KIAA1328: variants seen among roughly 807,000 people sequenced by gnomAD.
KIAA1328 encodes the protein KIAA1328.
Under a neutral mutation model 68.1 loss-of-function variants are expected in KIAA1328, and 52 were observed. The observed-to-expected ratio is 0.76, with a 90% CI of 0.61 to 0.96. The LOEUF (loss-of-function observed/expected upper bound fraction) is 0.96. Among genes scored for constraint, KIAA1328 ranks in the 40% least tolerant of loss-of-function variants. The pLI, the probability that KIAA1328 is intolerant of heterozygous loss-of-function variation, is 0.00. For synonymous variants in KIAA1328, 232 were observed against 239.4 expected, an observed-to-expected ratio of 0.97 and a Z score of 0.28; for missense variants, 641 against 677.6, an observed-to-expected ratio of 0.95 and a Z score of 0.60.
chr18:37,170,328 A>G (rs2059476098), intron 8 of KIAA1328, among the ~76,000 whole-genome samples: 1 of 152,196 alleles, frequency 6.6e-6, no homozygotes, highest in Non-Finnish European at 1.5e-5. Context: ...GCTGGGTGAT[A>G]TTGGACATGC....
At chr18:37,210,763 A>G (rs2060301476) in intron 9 of KIAA1328, among the ~76,000 whole-genome samples, 1 of 152,090 alleles carries the variant, frequency 6.6e-6, no homozygotes, top group African/African-American at 2.4e-5. Context: ...ATTTTTCTTT[A>G]TTGCATATAT....
At chr18:37,125,356 A>G (rs1248885788) in intron 7 of KIAA1328, among the ~76,000 whole-genome samples, 1 of 152,126 alleles carries the variant, frequency 6.6e-6, no homozygotes, top group Non-Finnish European at 1.5e-5. Flanking sequence ...GTGCAGCTAA[A>G]ACAGTGTTTA....
chr18:36,921,444 C>T (rs2049917735), intron 5 of KIAA1328, among the ~76,000 whole-genome samples: 1 of 152,148 alleles, frequency 6.6e-6, no homozygotes, highest in South Asian at 2.1e-4. Context: ...CGCTTTGTCA[C>T]CCAGGCTGGA....
At chr18:37,104,688 G>T (rs1035955226) in intron 7 of KIAA1328, among the ~76,000 whole-genome samples, 1 of 152,158 alleles carries the variant, frequency 6.6e-6, no homozygotes, top group Non-Finnish European at 1.5e-5. Context: ...TGAGGTGATT[G>T]ATATCCTAAA....
chr18:37,160,430 T>A, intron 8 of KIAA1328, 49 bp downstream of exon 8: 2 of 1,513,374 alleles, frequency 1.3e-6, no homozygotes, highest in Non-Finnish European at 9.0e-7. Context: ...TAGGGGAAGG[T>A]AGTTGCTAGC....
At chr18:36,876,750 TC>T (rs2048141716) in intron 4 of KIAA1328, among the ~76,000 whole-genome samples, 3 of 152,222 alleles carry the variant, frequency 2.0e-5, no homozygotes, top group Admixed American at 2.0e-4. Flanking sequence ...CTTCTCTAGT[TC>T]TTTTAATTGT....
chr18:36,943,157 T>C (rs2050772917), intron 5 of KIAA1328, among the ~76,000 whole-genome samples: 1 of 152,232 alleles, frequency 6.6e-6, no homozygotes, highest in African/African-American at 2.4e-5. Context: ...GGGAATGTCA[T>C]ATATTATAAA....
chr18:37,052,666 A>T (rs1166554072), intron 6 of KIAA1328, among the ~76,000 whole-genome samples: 2 of 152,194 alleles, frequency 1.3e-5, no homozygotes, highest in African/African-American at 4.8e-5. Context: ...CAGAATCGGC[A>T]TTCAAAAAAC....
In KIAA1328 at chr18:37,223,291, T is replaced by C; in HGVS notation, c.*1064T>C. The C allele has an allele frequency of 1.0e-6, 1 of 985,384 alleles. No homozygotes were observed. Among genetic ancestry groups the C allele is most frequent in the Non-Finnish European group, 1.2e-6 (1 of 829,996 alleles). The allele number at this position is 985,384 out of a possible 1,614,324, so 61.0% of individuals were successfully genotyped here. On this transcript the variant is annotated 3_prime_UTR_variant, in exon 10 of 10. Transcript: ENST00000280020. ...TATGTTCCACCACCCAAGCAGGGTC[T>C]CCCTACTTTTTCTCACTGGCCTCGT...
At chr18:36,995,496 T>C (rs2053355695) in intron 6 of KIAA1328, among the ~76,000 whole-genome samples, 1 of 152,254 alleles carries the variant, frequency 6.6e-6, no homozygotes, top group Non-Finnish European at 1.5e-5. Context: ...CATCCCTGCA[T>C]GTCTGTACTT....
At chr18:36,841,802 G>A (rs557404099) in intron 3 of KIAA1328, among the ~76,000 whole-genome samples, 124 of 152,316 alleles carry the variant, frequency 8.1e-4, no homozygotes, top group Middle Eastern at 6.8e-3. Context: ...CTGTCCTACA[G>A]TGTAAATACA....
chr18:37,049,258 C>T (rs2055597957), intron 6 of KIAA1328, among the ~76,000 whole-genome samples: 1 of 152,164 alleles, frequency 6.6e-6, no homozygotes, highest in Admixed American at 6.5e-5. Flanking sequence ...ATGAAATGCT[C>T]TTGCGGTGCC....
At chr18:37,008,556 ATAAT>A (rs2053863200) in intron 6 of KIAA1328, among the ~76,000 whole-genome samples, 1 of 152,238 alleles carries the variant, frequency 6.6e-6, no homozygotes, top group African/African-American at 2.4e-5. Context: ...TAGAGAAAAG[ATAAT>A]TAAGAAATCA....
rs919220996 is a variant in KIAA1328 at position 37,225,110 on chromosome 18, C to T, written c.*2883C>T. ...GCTACTCTTCACTTGTCCCTGCTTCCGGCACCAAGTTCATAATAGAGATCT... is the reference window on the plus strand; with the variant it reads ...GCTACTCTTCACTTGTCCCTGCTTCTGGCACCAAGTTCATAATAGAGATCT... On this transcript the variant is annotated 3_prime_UTR_variant, in exon 10 of 10. Transcript: ENST00000280020. 1.2e-5 allele frequency: 12 copies of T among 985,352 alleles called. No homozygotes were observed. Among genetic ancestry groups the T allele is most frequent in the South Asian group, 9.4e-5 (2 of 21,280 alleles). The allele number at this position is 985,352 out of a possible 1,614,324, so 61.0% of individuals were successfully genotyped here.
chr18:36,948,395 G>A (rs770573189), intron 5 of KIAA1328, among the ~76,000 whole-genome samples: 41 of 145,384 alleles, frequency 2.8e-4, no homozygotes, highest in Non-Finnish European at 5.3e-4. Context: ...CTGAGTAGCT[G>A]GGATTACAGG....
chr18:37,011,782 A>G (rs1287609311), intron 6 of KIAA1328, among the ~76,000 whole-genome samples: 1 of 152,148 alleles, frequency 6.6e-6, no homozygotes. Flanking sequence ...CAGAGACATA[A>G]ATCAATGGGC....
intron 6 of KIAA1328, among the ~76,000 whole-genome samples, chr18:36,990,113 A>T (rs972483883): frequency 6.6e-5 from 10 of 152,336 alleles, no homozygotes; most frequent in African/African-American, 2.4e-4. Flanking sequence ...ATTCTCCTTC[A>T]GCAATAACTA....
At chr18:36,921,308 A>C (rs1212200303) in intron 5 of KIAA1328, 1 of 151,948 alleles carries the variant, frequency 6.6e-6, no homozygotes, top group Non-Finnish European at 1.5e-5. Flanking sequence ...ACTTTAAGCC[A>C]TCTTTGATTT....
At chr18:36,905,733 T>TA (rs1277780244) in intron 5 of KIAA1328, among the ~76,000 whole-genome samples, 2 of 152,190 alleles carry the variant, frequency 1.3e-5, no homozygotes, top group African/African-American at 4.8e-5. Flanking sequence ...CTGGAAATTA[T>TA]TGGGCAACAT....
Sources: allele counts gnomAD v4.1 joint callset (sites outside exome capture counted in the v4.1 genomes callset), GRCh38; gene constraint gnomAD v4.1.1; transcripts MANE v1.5; gene names NCBI Gene and HGNC (gene_info 2026-07-23, HGNC 2026-07-21).